AGBL1: variants seen among roughly 807,000 people sequenced by gnomAD.
The protein encoded by AGBL1 is AGBL carboxypeptidase 1.
Under a neutral mutation model 118.9 loss-of-function variants are expected in AGBL1, and 130 were observed. The ratio of observed to expected loss-of-function variants is 1.09; its 90% CI spans 0.95 to 1.26. AGBL1 has a LOEUF of 1.26. Ranked by LOEUF, AGBL1 falls within the 50% of genes most tolerant of loss-of-function variation. AGBL1 has a pLI of 0.00. For synonymous variants in AGBL1, 555 were observed against 478.9 expected, an observed-to-expected ratio of 1.16 and a Z score of -2.08; for missense variants, 1,584 against 1,298.1, an observed-to-expected ratio of 1.22 and a Z score of -3.38.
chr15:86,488,585 A>G (rs553713222), intron 18 of AGBL1, among the ~76,000 whole-genome samples: 1 of 152,044 alleles, frequency 6.6e-6, no homozygotes, highest in East Asian at 1.9e-4. Context: ...CACCATACAC[A>G]TGATTGGGAG....
At chr15:86,889,441 CACAGGTGA>C (rs2080018744) in intron 22 of AGBL1, among the ~76,000 whole-genome samples, 1 of 152,016 alleles carries the variant, frequency 6.6e-6, no homozygotes, top group African/African-American at 2.4e-5. Context: ...AGGTTTCTTA[CACAGGTGA>C]ACATGTGCTA....
At chr15:86,785,210 G>A (rs1470329443) in intron 22 of AGBL1, among the ~76,000 whole-genome samples, 1 of 151,924 alleles carries the variant, frequency 6.6e-6, no homozygotes, top group Non-Finnish European at 1.5e-5. Context: ...CTTAGTAAGG[G>A]GCTTAAGTGT....
intron 18 of AGBL1, among the ~76,000 whole-genome samples, chr15:86,521,059 C>T (rs868811747): frequency 3.9e-5 from 6 of 152,156 alleles, no homozygotes; most frequent in Non-Finnish European, 8.8e-5. Context: ...GAGGAACATG[C>T]ACAAGACCTA....
rs181605190 is a variant in AGBL1 at position 86,852,746 on chromosome 15, G to A, written c.3159-54341G>A. 4.6e-5 allele frequency among the ~76,000 whole-genome samples: 7 copies of A among 152,240 alleles called. No individual in the cohort carries two copies. The East Asian group carries it at 1.4e-3, about 29-fold the overall frequency. On this transcript the variant is annotated intron_variant, in intron 22 of 22. Transcript: ENST00000614907. The stretch of plus-strand genomic sequence containing the variant: ...CTGTGAACCTCTTTCCTGGAAGCAG[G>A]GAAGAGGAATGAGGCAGGCTGCTAT...
At chr15:86,461,188 A>G (rs1349311195) in intron 18 of AGBL1, among the ~76,000 whole-genome samples, 1 of 152,072 alleles carries the variant, frequency 6.6e-6, no homozygotes, top group Non-Finnish European at 1.5e-5. Flanking sequence ...TGCCTCTACC[A>G]TGCCCCATCG....
intron 17 of AGBL1, among the ~76,000 whole-genome samples, chr15:86,315,850 C>T (rs1185144776): frequency 1.3e-5 from 2 of 152,038 alleles, no homozygotes; most frequent in East Asian, 1.9e-4. Flanking sequence ...TCCAAAGTGG[C>T]ACTGGTCAAA....
chr15:86,827,485 GTGTGTAT>G (rs2079042001), intron 22 of AGBL1, among the ~76,000 whole-genome samples: 8 of 3,870 alleles, frequency 2.1e-3, no homozygotes, highest in African/African-American at 6.7e-3. Context: ...ATATATATAT[GTGTGTAT>G]ATATATATAT....
chr15:86,121,273 AT>A (rs370748821), intron 1 of AGBL1, among the ~76,000 whole-genome samples: 70 of 152,308 alleles, frequency 4.6e-4, no homozygotes, highest in African/African-American at 1.5e-3. Context: ...AGCAAAAATA[AT>A]TTGTCATTTT....
At chr15:86,279,246 G>C (rs1336884023) in intron 15 of AGBL1, among the ~76,000 whole-genome samples, 1 of 152,226 alleles carries the variant, frequency 6.6e-6, no homozygotes, top group Non-Finnish European at 1.5e-5. Flanking sequence ...GGGAGAGATA[G>C]GGATTGGGGG....
chr15:86,159,325 A>G (rs75010505), intron 5 of AGBL1, among the ~76,000 whole-genome samples: 2 of 152,248 alleles, frequency 1.3e-5, no homozygotes, highest in East Asian at 3.9e-4. Context: ...TAGAGTTGAG[A>G]TTTGATTCCA....
At chr15:86,376,702 A>T (rs1487204359) in intron 17 of AGBL1, among the ~76,000 whole-genome samples, 1 of 152,206 alleles carries the variant, frequency 6.6e-6, no homozygotes. Flanking sequence ...CAGTTCCTCC[A>T]GAGCTTGGAA....
chr15:87,031,400 GT>G (rs2081781285), downstream of AGBL1, among the ~76,000 whole-genome samples: 1 of 151,512 alleles, frequency 6.6e-6, no homozygotes, highest in Admixed American at 6.6e-5. Flanking sequence ...CTCCCTTATT[GT>G]ATTAAGATAA....
intron 19 of AGBL1, among the ~76,000 whole-genome samples, chr15:86,541,398 T>C (rs977018694): frequency 2.0e-5 from 3 of 152,094 alleles, no homozygotes; most frequent in Non-Finnish European, 4.4e-5. Flanking sequence ...AGACCCATCC[T>C]GGGCAACAGA....
At chr15:86,714,895 A>T (rs996752950) in intron 22 of AGBL1, among the ~76,000 whole-genome samples, 10 of 152,180 alleles carry the variant, frequency 6.6e-5, no homozygotes, top group African/African-American at 2.4e-4. Flanking sequence ...GCAGGCATGC[A>T]ATCAGTCTGC....
intron 17 of AGBL1, among the ~76,000 whole-genome samples, chr15:86,388,464 T>C (rs2081229560): frequency 6.6e-6 from 1 of 152,178 alleles, no homozygotes; most frequent in African/African-American, 2.4e-5. Flanking sequence ...TTGCCATTGA[T>C]AATCATTAAA....
At position 86,441,992 on chromosome 15, in the gene AGBL1, G is replaced by A. The variant is rs528821339; in HGVS notation, c.2555+44446G>A. On this transcript the variant is annotated intron_variant, in intron 18 of 22. Coordinates refer to ENST00000614907, the MANE Select transcript of AGBL1 (RefSeq NM_001386094.1). ...GAAAGCTGCCAAATCCACAAGGGTG[G>A]GGTAGATGGTAACACAACTGATGAA... 9.8e-5 allele frequency among the ~76,000 whole-genome samples: 15 copies of A among 152,338 alleles called. No individual in the cohort carries two copies. In the South Asian group the frequency reaches 3.1e-3, roughly 32 times the overall value.
chr15:86,878,741 T>A (rs1041679716), intron 22 of AGBL1, among the ~76,000 whole-genome samples: 1 of 152,228 alleles, frequency 6.6e-6, no homozygotes, highest in African/African-American at 2.4e-5. Context: ...CAGTAGGTGC[T>A]CGTTCAATGT....
At chr15:86,331,369 A>G (rs577063101) in intron 17 of AGBL1, among the ~76,000 whole-genome samples, 1 of 151,134 alleles carries the variant, frequency 6.6e-6, no homozygotes, top group South Asian at 2.1e-4. Context: ...AACAACCTGG[A>G]AAACATACTT....
At chr15:86,351,917 C>A (rs975496515) in intron 17 of AGBL1, among the ~76,000 whole-genome samples, 2 of 152,128 alleles carry the variant, frequency 1.3e-5, no homozygotes, top group Non-Finnish European at 2.9e-5. Context: ...GTTCTTTGAG[C>A]CTTTAACTTA....
Sources: allele counts gnomAD v4.1 joint callset (sites outside exome capture counted in the v4.1 genomes callset), GRCh38; gene constraint gnomAD v4.1.1; transcripts MANE v1.5; gene names NCBI Gene and HGNC (gene_info 2026-07-23, HGNC 2026-07-21).